Variants in SGIP1 observed in about 807,000 individuals in gnomAD.
SGIP1 encodes SH3GL interacting endocytic adaptor 1.
A neutral mutation model predicts 107.5 loss-of-function variants in SGIP1; 38 were observed. The observed-to-expected ratio is 0.35, with a 90% confidence interval of 0.27 to 0.46. The LOEUF (loss-of-function observed/expected upper bound fraction) is 0.46. Ranked by LOEUF, SGIP1 falls within the 20% of genes least tolerant of loss-of-function variation. The pLI is 1.00. For missense variants in SGIP1, 929 were observed against 1,019.5 expected, an observed-to-expected ratio of 0.91 and a Z score of 1.21; for synonymous variants, 365 against 366.1, an observed-to-expected ratio of 1.00 and a Z score of 0.03.
At chr1:66,539,635 C>G (rs1021602286) in intron 1 of SGIP1, among the ~76,000 whole-genome samples, 1 of 152,202 alleles carries the variant, frequency 6.6e-6, no homozygotes, top group Non-Finnish European at 1.5e-5. Flanking sequence ...AAATACTTCA[C>G]TCACACTGAA....
intron 15 of SGIP1, chr1:66,684,269 C>T: frequency 6.5e-7 from 1 of 1,537,504 alleles, no homozygotes; most frequent in Admixed American, 2.0e-5. Context: ...ATATTCCAAA[C>T]TTATTTGACT....
intron 16 of SGIP1, 92 bp from the exon 17 acceptor site, chr1:66,690,098 G>A (rs2089490443): frequency 2.1e-6 from 3 of 1,447,952 alleles, no homozygotes; most frequent in African/African-American, 1.4e-5. Context: ...TACCTAAGTT[G>A]TCATATCTGG....
At chr1:66,569,900 A>G (rs1388816828) in intron 1 of SGIP1, among the ~76,000 whole-genome samples, 1 of 151,824 alleles carries the variant, frequency 6.6e-6, no homozygotes, top group Non-Finnish European at 1.5e-5. Context: ...AATTTCTATA[A>G]TAGATATAGA....
rs78041609 is a variant in SGIP1, at chr1:66,713,785, T to C, written c.1631-5509T>C. Among the ~76,000 whole-genome samples, 139 of 152,254 alleles carry C rather than the reference T, an allele frequency of 9.1e-4. No individual in the cohort carries two copies. The East Asian group carries it at 0.025, about 27-fold the overall frequency. On this transcript the variant is annotated intron_variant, in intron 18 of 24. Transcript: ENST00000371037. ...TATTCAAATAATTTGTTTATTTGAA[T>C]AAAATAAACATGCATTCAACCAACT...
intron 1 of SGIP1, among the ~76,000 whole-genome samples, chr1:66,576,305 C>A (rs1030211497): frequency 6.6e-6 from 1 of 152,038 alleles, no homozygotes; most frequent in African/African-American, 2.4e-5. Flanking sequence ...TAATTGTAAC[C>A]ATGTAGCTTC....
intron 1 of SGIP1, among the ~76,000 whole-genome samples, chr1:66,614,275 G>C (rs567470991): frequency 1.3e-5 from 2 of 152,334 alleles, no homozygotes; most frequent in African/African-American, 4.8e-5. Context: ...GAGTTGACTT[G>C]AGGAAAGACT....
At chr1:66,552,906 G>C (rs1417706543) in intron 1 of SGIP1, among the ~76,000 whole-genome samples, 1 of 152,128 alleles carries the variant, frequency 6.6e-6, no homozygotes, top group Non-Finnish European at 1.5e-5. Flanking sequence ...AGAAAAAGCA[G>C]ATAAGTTTTC....
chr1:66,750,506 C>CA lies in SGIP1; in HGVS notation c.*7416dup, dbSNP rs1165365212. ...TTAGAGCTCTCTTTGATCTATGTAG[C>CA]AAAAATACACTAAATTTCTTTTTAA... On this transcript the variant is annotated 3_prime_UTR_variant, in exon 25 of 25. Transcript: ENST00000371037. Among the ~76,000 whole-genome samples, 2 of 152,028 alleles carry CA rather than the reference C, an allele frequency of 1.3e-5. No homozygotes were observed. The highest frequency in any genetic ancestry group is 4.8e-5 in the African/African-American group (2 of 41,390).
rs1434755926 is a variant in SGIP1 at position 66,673,352 on chromosome 1, A to T, written c.632A>T (p.Glu211Val). Reference sequence around the variant, plus strand: ...CCACCACTAGAATCAGCTTTTGATGAACAGAAGACAGAAGGTAGGAAAAGA... The same window carrying T: ...CCACCACTAGAATCAGCTTTTGATGTACAGAAGACAGAAGGTAGGAAAAGA... ...FGPPLESAFD[E>V]QKTEVLLDQP... Residue 211 changes from glutamate to valine, a missense_variant, in exon 12 of 25, where the codon GAA becomes GTA. Transcript: ENST00000371037. The T allele has an allele frequency of 6.2e-7, 1 of 1,608,654 alleles. No individual in the cohort carries two copies. Among genetic ancestry groups the T allele is most frequent in the South Asian group, 1.1e-5 (1 of 89,332 alleles).
At chr1:66,539,300 T>C (rs988769181) in intron 1 of SGIP1, among the ~76,000 whole-genome samples, 7 of 152,156 alleles carry the variant, frequency 4.6e-5, no homozygotes, top group African/African-American at 1.7e-4. Context: ...GGCAGAGGTA[T>C]TGGGTCTCAC....
At chr1:66,592,897 C>CTTTTTTTTTTTTTTTTTTTTTTTTT (rs35762612) in intron 1 of SGIP1, among the ~76,000 whole-genome samples, 5 of 56,352 alleles carry the variant, frequency 8.9e-5, no homozygotes, top group African/African-American at 1.7e-4. Context: ...TCTTCTTCTT[C>CTTTTTTTTTTTTTTTTTTTTTTTTT]TTTTTTTTTT....
At chr1:66,609,189 C>A (rs1570539460) in intron 1 of SGIP1, among the ~76,000 whole-genome samples, 1 of 152,224 alleles carries the variant, frequency 6.6e-6, no homozygotes, top group African/African-American at 2.4e-5. Context: ...GGCTTAAAAT[C>A]TAAAAGAACA....
In SGIP1 at chr1:66,671,962, C is replaced by T; in HGVS notation, c.527C>T (p.Pro176Leu). 1.2e-6 allele frequency: 2 copies of T among 1,613,952 alleles called. No homozygotes were observed. Among genetic ancestry groups the T allele is most frequent in the Non-Finnish European group, 1.7e-6 (2 of 1,179,938 alleles). The change falls in exon 11 of 25, where the codon CCC becomes CTC. Residue 176 changes from proline to leucine, a missense_variant. Around this residue, in one of 2 missense-constraint regions of SGIP1, gnomAD observed 588 missense variants for 588.6 expected, o/e 1.00. Coordinates refer to ENST00000371037, the MANE Select transcript of SGIP1 (RefSeq NM_032291.4). ...RNLSSEEVARPRRSTPTPELI... is the reference protein window; with the variant it reads ...RNLSSEEVARLRRSTPTPELI... ...GCATCAGGTGAAGAAGTGGCAAGAC[C>T]CAGGCGTTCCACACCAACTCCAGAA...
chr1:66,544,503 A>G (rs1363252420), intron 1 of SGIP1, among the ~76,000 whole-genome samples: 1 of 152,138 alleles, frequency 6.6e-6, no homozygotes, highest in Non-Finnish European at 1.5e-5. Flanking sequence ...GCTGGCCAAC[A>G]TGGCGAGACC....
At chr1:66,613,088 C>T (rs558006007) in intron 1 of SGIP1, among the ~76,000 whole-genome samples, 1 of 152,266 alleles carries the variant, frequency 6.6e-6, no homozygotes, top group South Asian at 2.1e-4. Context: ...ACTTTTAACA[C>T]TAAAACAATA....
At chr1:66,542,996 A>C (rs2055369061) in intron 1 of SGIP1, among the ~76,000 whole-genome samples, 1 of 152,218 alleles carries the variant, frequency 6.6e-6, no homozygotes, top group Non-Finnish European at 1.5e-5. Flanking sequence ...CAGATTGTTT[A>C]AATCTGACTG....
At chr1:66,544,138 C>G (rs1436835626) in intron 1 of SGIP1, among the ~76,000 whole-genome samples, 2 of 152,134 alleles carry the variant, frequency 1.3e-5, no homozygotes, top group Non-Finnish European at 2.9e-5. Context: ...TCTTTCTCCT[C>G]TTCACCATAC....
intron 19 of SGIP1, among the ~76,000 whole-genome samples, chr1:66,727,713 G>T (rs915940855): frequency 1.3e-5 from 2 of 152,206 alleles, no homozygotes; most frequent in South Asian, 2.1e-4. Context: ...TGAACTATTA[G>T]TGCACACAAC....
In SGIP1 at chr1:66,661,248, T is replaced by C. The variant is rs74354053; in HGVS notation, c.471+724T>C. Among the ~76,000 whole-genome samples the C allele has an allele frequency of 9.6e-3, 1,467 of 152,324 alleles. 11 individuals carry two copies. The highest frequency in any genetic ancestry group is 0.015 in the Admixed American group (234 of 15,294). On this transcript the variant is annotated intron_variant, in intron 8 of 24. Transcript: ENST00000371037. The stretch of plus-strand genomic sequence containing the variant: ...AACATGTTCTCAGGATGCTGATGCA[T>C]GGCTGACAGAGGTGACCTCTCTGCT...
Sources: gnomAD v4.1 joint callset for allele counts (sites outside exome capture counted in the v4.1 genomes callset) on GRCh38, gnomAD v4.1.1 for gene constraint, gnomAD v4.1.1 regional missense constraint, MANE v1.5 for transcripts, NCBI Gene and HGNC (gene_info 2026-07-23, HGNC 2026-07-21) for gene names.